Variants in SMARCC1 observed in about 807,000 individuals in gnomAD.
SMARCC1 encodes SWI/SNF related BAF chromatin remodeling complex subunit C1, also known as SWI/SNF complex subunit SMARCC1.
SMARCC1 carries 43 observed loss-of-function variants against 147.4 expected under a neutral mutation model. That is an observed-to-expected ratio of 0.29 (90% confidence interval 0.23 to 0.38). The LOEUF (loss-of-function observed/expected upper bound fraction) is 0.38, where lower values mean the gene tolerates loss of function less well. SMARCC1 is among the 10% of genes least tolerant of loss of function. The pLI, the probability that SMARCC1 is intolerant of heterozygous loss-of-function variation, is 1.00. For missense variants in SMARCC1, 1,119 were observed against 1,381.1 expected (o/e 0.81, Z 3.01); for synonymous variants, 495 against 484.4 (o/e 1.02, Z -0.29).
intron 3 of SMARCC1, among the ~76,000 whole-genome samples, chr3:47,739,261 T>C (rs1025575699): frequency 5.9e-5 from 9 of 152,226 alleles, no homozygotes; most frequent in Non-Finnish European, 1.3e-4. Context: ...AAATGAGGTA[T>C]ATATTAGAAC....
intron 3 of SMARCC1, among the ~76,000 whole-genome samples, chr3:47,744,996 G>A (rs1472724244): frequency 2.6e-5 from 4 of 152,168 alleles, no homozygotes; most frequent in African/African-American, 7.2e-5. Flanking sequence ...GGCCAGGCAC[G>A]GTGGCTCACA....
intron 21 of SMARCC1, among the ~76,000 whole-genome samples, chr3:47,660,987 C>T (rs1235223562): frequency 2.0e-5 from 3 of 152,092 alleles, no homozygotes. Flanking sequence ...TTTCAATATT[C>T]TTTTTTTCAC....
chr3:47,765,219 C>T (rs2034822528), intron 2 of SMARCC1, among the ~76,000 whole-genome samples: 1 of 151,982 alleles, frequency 6.6e-6, no homozygotes, highest in Non-Finnish European at 1.5e-5. Flanking sequence ...CCATTGCACG[C>T]CAGCCTGAGC....
chr3:47,667,074 T>C (rs573373556), intron 19 of SMARCC1, among the ~76,000 whole-genome samples: 3 of 151,830 alleles, frequency 2.0e-5, no homozygotes, highest in East Asian at 1.9e-4. Flanking sequence ...TCCCAGCACT[T>C]TGGGATGCTG....
intron 11 of SMARCC1, among the ~76,000 whole-genome samples, chr3:47,701,050 CAT>C (rs2033910962): frequency 6.6e-6 from 1 of 152,018 alleles, no homozygotes; most frequent in East Asian, 1.9e-4. Flanking sequence ...AATTTTAAAA[CAT>C]TACTAAATTA....
intron 13 of SMARCC1, among the ~76,000 whole-genome samples, chr3:47,688,488 T>C (rs2033756222): frequency 6.6e-6 from 1 of 151,918 alleles, no homozygotes. Context: ...ATTCAGCAAG[T>C]TAAGGAAATT....
intron 14 of SMARCC1, among the ~76,000 whole-genome samples, chr3:47,685,145 G>C (rs1473418079): frequency 6.6e-6 from 1 of 151,842 alleles, no homozygotes; most frequent in Non-Finnish European, 1.5e-5. Context: ...ACTAAAATAG[G>C]GGTTCCTTGA....
At chr3:47,678,168 A>G (rs371477158) in intron 16 of SMARCC1, 30 bp downstream of exon 16, 12 of 1,295,062 alleles carry the variant, frequency 9.3e-6, no homozygotes, top group Non-Finnish European at 1.3e-5. Flanking sequence ...TCCTACAGTT[A>G]AATGTCTCAG....
At chr3:47,685,321 A>G (rs1311602913) in intron 14 of SMARCC1, among the ~76,000 whole-genome samples, 1 of 152,218 alleles carries the variant, frequency 6.6e-6, no homozygotes, top group Non-Finnish European at 1.5e-5. Context: ...AATAACACAC[A>G]ACGGAAAATT....
chr3:47,673,344 C>T (rs1461225264), intron 18 of SMARCC1, among the ~76,000 whole-genome samples: 3 of 146,064 alleles, frequency 2.1e-5, no homozygotes, highest in Admixed American at 1.4e-4. Flanking sequence ...GGAGACTGCG[C>T]CACCGCACTC....
At position 47,588,444 on chromosome 3, in the gene SMARCC1, C is replaced by T. The variant is rs79530963; in HGVS notation, c.3221-138G>A. 2.1e-3 allele frequency: 1,551 copies of T among 739,254 alleles called. 20 individuals carry two copies. The African/African-American group carries it at 0.023, about 11-fold the overall frequency. 45.8% of individuals were successfully genotyped at this position (739,254 alleles called of 1,614,324 possible). Reference sequence around the variant, plus strand: ...AATGCACCCTGTGAGGCATTGATTCCACTGTGGTCTATGCAAGTCAATTCC... The same window carrying T: ...AATGCACCCTGTGAGGCATTGATTCTACTGTGGTCTATGCAAGTCAATTCC... On this transcript the variant is annotated intron_variant, in intron 27 of 27. Coordinates refer to ENST00000254480, the MANE Select transcript of SMARCC1 (RefSeq NM_003074.4).
At chr3:47,680,370 G>T in intron 15 of SMARCC1, 67 bp downstream of exon 15, 1 of 1,042,052 alleles carries the variant, frequency 9.6e-7, no homozygotes, top group Non-Finnish European at 1.5e-6. Flanking sequence ...AGGAACTCAG[G>T]TGGATGCTTG....
Position 47,781,734 on chromosome 3 carries a change from C to G in SMARCC1, c.64G>C (p.Ala22Pro). 1.9e-6 allele frequency: 3 copies of G among 1,554,296 alleles called. No individual in the cohort carries two copies. The highest frequency in any genetic ancestry group is 1.7e-6 in the Non-Finnish European group (2 of 1,155,310). The change falls in exon 1 of 28, where the codon GCG (alanine) becomes CCG (proline). Residue 22 changes from alanine (A) to proline (P), a missense_variant. Coordinates refer to ENST00000254480, the MANE Select transcript of SMARCC1 (RefSeq NM_003074.4). ...TAVGATGSGI[A>P]AAAAGLAVYR... is the part of the protein sequence containing the mutation. ...ACAGCTAGGCCTGCGGCTGCCGCCG[C>G]AATCCCCGAGCCCGTGGCGCCTACC...
At chr3:47,661,504 T>G in intron 20 of SMARCC1, 49 bp from the exon 21 acceptor site, 1 of 1,538,526 alleles carries the variant, frequency 6.5e-7, no homozygotes, top group Non-Finnish European at 8.8e-7. Flanking sequence ...GCACAAAAAT[T>G]TGCTTCAGTG....
At chr3:47,686,473 CT>C (rs2033725096) in intron 13 of SMARCC1, among the ~76,000 whole-genome samples, 1 of 152,184 alleles carries the variant, frequency 6.6e-6, no homozygotes, top group African/African-American at 2.4e-5. Context: ...GGACTTCAGA[CT>C]AAATAAATAA....
intron 22 of SMARCC1, among the ~76,000 whole-genome samples, chr3:47,637,245 G>A (rs948443710): frequency 4.6e-5 from 7 of 152,196 alleles, no homozygotes; most frequent in South Asian, 2.1e-4. Context: ...TACAAATATC[G>A]TCTTTAGAAT....
At chr3:47,599,336 T>C (rs2032349528) in intron 26 of SMARCC1, among the ~76,000 whole-genome samples, 1 of 152,062 alleles carries the variant, frequency 6.6e-6, no homozygotes, top group African/African-American at 2.4e-5. Flanking sequence ...TGAGCAGAGA[T>C]CACACCACTG....
At chr3:47,708,476 CT>C (rs1304630415) in intron 9 of SMARCC1, among the ~76,000 whole-genome samples, 1 of 151,918 alleles carries the variant, frequency 6.6e-6, no homozygotes, top group East Asian at 1.9e-4. Flanking sequence ...TCTATATAAC[CT>C]CCTAAAAATA....
At chr3:47,693,010 A>G (rs2033808858) in intron 12 of SMARCC1, among the ~76,000 whole-genome samples, 1 of 151,848 alleles carries the variant, frequency 6.6e-6, no homozygotes, top group Non-Finnish European at 1.5e-5. Flanking sequence ...AAAAGAAAAG[A>G]AGGAGTGTAT....
Sources: allele counts gnomAD v4.1 joint callset (sites outside exome capture counted in the v4.1 genomes callset), GRCh38; gene constraint gnomAD v4.1.1; transcripts MANE v1.5; gene names NCBI Gene and HGNC (gene_info 2026-07-23, HGNC 2026-07-21).